Variants in ANKRD30BL observed in about 807,000 individuals in gnomAD.
ANKRD30BL encodes the protein ankyrin repeat domain 30B like, also known as putative ankyrin repeat domain-containing protein 30B-like.
ANKRD30BL carries 20 observed loss-of-function variants against 18.4 expected under a neutral mutation model. The observed-to-expected ratio is 1.09, with a 90% CI of 0.77 to 1.58. The LOEUF is 1.58. ANKRD30BL is among the 40% of genes most tolerant of loss of function. The pLI, the probability that ANKRD30BL is intolerant of heterozygous loss-of-function variation, is 0.00. For missense variants in ANKRD30BL, 224 were observed against 268.6 expected (o/e 0.83, Z 1.16); for synonymous variants, 72 against 100.9 (o/e 0.71, Z 1.72).
At chr2:132,202,853 T>G (rs1679135962) in intron 1 of ANKRD30BL, among the ~76,000 whole-genome samples, 1 of 152,166 alleles carries the variant, frequency 6.6e-6, no homozygotes, top group East Asian at 1.9e-4. Context: ...GAATGCAACT[T>G]AAAATTTCCA....
chr2:132,172,176 G>A (rs1202201250), intron 1 of ANKRD30BL, among the ~76,000 whole-genome samples: 1 of 152,132 alleles, frequency 6.6e-6, no homozygotes, highest in Non-Finnish European at 1.5e-5. Flanking sequence ...TCATGGTACT[G>A]TGAACATTGG....
At chr2:132,222,146 C>T (rs1245696124) in intron 1 of ANKRD30BL, among the ~76,000 whole-genome samples, 24 of 149,622 alleles carry the variant, frequency 1.6e-4, no homozygotes, top group African/African-American at 3.2e-4. Context: ...CGCCTCTGCC[C>T]GGCCACCCCT....
intron 1 of ANKRD30BL, among the ~76,000 whole-genome samples, chr2:132,223,192 T>G (rs1679743331): frequency 6.6e-6 from 1 of 152,156 alleles, no homozygotes; most frequent in South Asian, 2.1e-4. Context: ...ACCTTTCTTT[T>G]GATAGAGCAG....
At chr2:132,203,906 T>C (rs1405675746) in intron 1 of ANKRD30BL, among the ~76,000 whole-genome samples, 1 of 152,166 alleles carries the variant, frequency 6.6e-6, no homozygotes, top group African/African-American at 2.4e-5. Flanking sequence ...AGATGGCTTG[T>C]AATCTTGTAC....
At chr2:132,196,277 T>C (rs150386678) in intron 1 of ANKRD30BL, among the ~76,000 whole-genome samples, 1,737 of 152,134 alleles carry the variant, frequency 0.011, 32 homozygotes, top group African/African-American at 0.04. Flanking sequence ...TCAGGACTTC[T>C]AGACCAACCT....
At position 132,157,297 on chromosome 2, in the gene ANKRD30BL, G is replaced by A; in HGVS notation, c.333+12C>T. On this transcript the variant is annotated intron_variant, in intron 2 of 5. Coordinates refer to ENST00000409867, the MANE Select transcript of ANKRD30BL (RefSeq NM_001358416.1). ...AATCCATCTCCTGCTGAAAGAACTG[G>A]CTACCATTTACCTTCATCAGAATGG... The A allele has an allele frequency of 1.3e-6, 1 of 788,072 alleles. No individual in the cohort carries two copies. The highest frequency in any genetic ancestry group is 2.2e-6 in the Non-Finnish European group (1 of 455,876). The allele number at this position is 788,072 out of a possible 1,614,324, so 48.8% of individuals were successfully genotyped here.
intron 1 of ANKRD30BL, among the ~76,000 whole-genome samples, chr2:132,254,125 C>A (rs1028808396): frequency 6.6e-6 from 1 of 151,938 alleles, no homozygotes; most frequent in Non-Finnish European, 1.5e-5. Context: ...CACCAGGCTG[C>A]GAGCCATCCA....
At chr2:132,151,219 A>C (rs1163191892) in intron 4 of ANKRD30BL, among the ~76,000 whole-genome samples, 1 of 152,206 alleles carries the variant, frequency 6.6e-6, no homozygotes, top group Non-Finnish European at 1.5e-5. Context: ...AACTAGAGGT[A>C]GCTTGACATG....
chr2:132,199,707 T>C (rs1310989842), intron 1 of ANKRD30BL, among the ~76,000 whole-genome samples: 2 of 152,092 alleles, frequency 1.3e-5, no homozygotes, highest in African/African-American at 4.8e-5. Context: ...TAATTTGGCT[T>C]AGGTTACTTG....
chr2:132,220,620 C>T (rs1460521395), intron 1 of ANKRD30BL, among the ~76,000 whole-genome samples: 2 of 152,100 alleles, frequency 1.3e-5, no homozygotes, highest in African/African-American at 4.8e-5. Context: ...CCAGCCTCGG[C>T]CTCCCGAGGT....
intron 1 of ANKRD30BL, among the ~76,000 whole-genome samples, chr2:132,256,190 C>T (rs1263930341): frequency 6.6e-6 from 1 of 152,152 alleles, no homozygotes; most frequent in Non-Finnish European, 1.5e-5. Flanking sequence ...TAGGATCAAC[C>T]AGGTAGGTAG....
intron 1 of ANKRD30BL, among the ~76,000 whole-genome samples, chr2:132,231,080 T>TGCGA (rs1679997157): frequency 6.6e-6 from 1 of 151,886 alleles, no homozygotes; most frequent in African/African-American, 2.4e-5. Flanking sequence ...AAAGAGCAGG[T>TGCGA]TTGAAACACT....
At chr2:132,160,494 A>C (rs2104930696) in intron 1 of ANKRD30BL, among the ~76,000 whole-genome samples, 1 of 148,372 alleles carries the variant, frequency 6.7e-6, no homozygotes, top group East Asian at 2.0e-4. Flanking sequence ...GCTGGAGTGC[A>C]GTGGTGCGAT....
At chr2:132,249,111 A>G (rs1184135833) in intron 1 of ANKRD30BL, among the ~76,000 whole-genome samples, 1 of 152,144 alleles carries the variant, frequency 6.6e-6, no homozygotes, top group East Asian at 1.9e-4. Flanking sequence ...CCTTCTGTCT[A>G]GTTTTTATGT....
intron 1 of ANKRD30BL, among the ~76,000 whole-genome samples, chr2:132,207,793 G>A (rs1383454863): frequency 6.6e-6 from 1 of 152,022 alleles, no homozygotes; most frequent in Non-Finnish European, 1.5e-5. Flanking sequence ...CTGAAAATGT[G>A]AGTAGCCTGT....
intron 1 of ANKRD30BL, among the ~76,000 whole-genome samples, chr2:132,214,440 G>T (rs1679437544): frequency 6.6e-6 from 1 of 151,942 alleles, no homozygotes. Context: ...CACTCTTTTT[G>T]TAGATTCTGC....
chr2:132,223,468 CAGA>C (rs1679753679), intron 1 of ANKRD30BL, among the ~76,000 whole-genome samples: 1 of 151,866 alleles, frequency 6.6e-6, no homozygotes, highest in African/African-American at 2.4e-5. Flanking sequence ...AGAAACTAGA[CAGA>C]AGGATTCTCA....
intron 4 of ANKRD30BL, among the ~76,000 whole-genome samples, chr2:132,154,089 C>A (rs1687837976): frequency 1.3e-5 from 2 of 151,982 alleles, no homozygotes; most frequent in African/African-American, 4.8e-5. Context: ...TAATATTGTC[C>A]TGAGTACCTG....
At chr2:132,196,164 A>G (rs1678963832) in intron 1 of ANKRD30BL, among the ~76,000 whole-genome samples, 1 of 151,764 alleles carries the variant, frequency 6.6e-6, no homozygotes, top group Non-Finnish European at 1.5e-5. Flanking sequence ...AAGAAAAAGA[A>G]AAAGAAAAAA....
Sources: allele counts gnomAD v4.1 joint callset (sites outside exome capture counted in the v4.1 genomes callset), GRCh38; gene constraint gnomAD v4.1.1; transcripts MANE v1.5; gene names NCBI Gene and HGNC (gene_info 2026-07-23, HGNC 2026-07-21).